DCDC2: variants seen among roughly 807,000 people sequenced by gnomAD.
DCDC2 encodes the protein doublecortin domain containing 2.
A neutral mutation model predicts 50.2 loss-of-function variants in DCDC2; 40 were observed. The observed-to-expected ratio is 0.80, with a 90% CI of 0.62 to 1.04. The LOEUF is 1.04. Among genes scored for constraint, DCDC2 ranks in the 50% least tolerant of loss-of-function variants. DCDC2 has a pLI of 0.00. For missense variants in DCDC2, 570 were observed against 581.9 expected (o/e 0.98, Z 0.21); for synonymous variants, 234 against 210.6 (o/e 1.11, Z -0.96).
chr6:24,334,253 T>C (rs958126191), intron 2 of DCDC2, among the ~76,000 whole-genome samples: 9 of 152,208 alleles, frequency 5.9e-5, no homozygotes, highest in Non-Finnish European at 1.2e-4. Context: ...TCTTTTATCA[T>C]GGGTATACTT....
Position 24,357,506 on chromosome 6 carries a change from C to G in DCDC2, c.245G>C (p.Ser82Thr). The stretch of plus-strand genomic sequence containing the variant: ...GCCTCCAGCCACGTAATTGCCCCCG[C>G]TCTGGATCTGGTCTAGCTTCCGGAT... Reference protein sequence around the residue: ...HRIRKLDQIQSGGNYVAGGQE... With the variant: ...HRIRKLDQIQTGGNYVAGGQE... Residue 82 changes from serine to threonine, a missense_variant, in exon 1 of 10, where the codon AGC becomes ACC. Coordinates refer to ENST00000378454, the MANE Select transcript of DCDC2 (RefSeq NM_016356.5). 1 of 1,612,782 alleles carries G rather than the reference C, an allele frequency of 6.2e-7. No homozygotes were observed. Among genetic ancestry groups the G allele is most frequent in the Non-Finnish European group, 8.5e-7 (1 of 1,179,434 alleles).
chr6:24,231,590 G>A lies in DCDC2; in HGVS notation c.923-26488C>T, dbSNP rs79659756. On this transcript the variant is annotated intron_variant, in intron 7 of 9. Transcript: ENST00000378454. The stretch of plus-strand genomic sequence containing the variant: ...CCCCATCCTCCACCACTATCACCAC[G>A]TGCCTGCCTTTTGTCAATACTTAGG... 4.5e-3 allele frequency among the ~76,000 whole-genome samples: 689 copies of A among 152,030 alleles called. 2 individuals carry two copies. Among genetic ancestry groups the A allele is most frequent in the African/African-American group, 0.016 (652 of 41,454 alleles).
upstream of DCDC2, among the ~76,000 whole-genome samples, chr6:24,359,184 A>G (rs1218483999): frequency 4.0e-4 from 31 of 77,652 alleles, no homozygotes; most frequent in Non-Finnish European, 6.3e-4. Flanking sequence ...TATATTTTAT[A>G]TATTTTATAT....
At chr6:24,340,239 T>C (rs1382178882) in intron 2 of DCDC2, among the ~76,000 whole-genome samples, 1 of 152,160 alleles carries the variant, frequency 6.6e-6, no homozygotes, top group Non-Finnish European at 1.5e-5. Flanking sequence ...TATACATCAT[T>C]CCTTCCAGGA....
At chr6:24,331,397 C>A (rs1245655448) in intron 2 of DCDC2, among the ~76,000 whole-genome samples, 1 of 151,554 alleles carries the variant, frequency 6.6e-6, no homozygotes, top group East Asian at 1.9e-4. Context: ...ATCTCTTGGC[C>A]TTAAGCGATC....
intron 8 of DCDC2, among the ~76,000 whole-genome samples, chr6:24,191,933 GAAGC>G: frequency 6.6e-6 from 1 of 152,290 alleles, no homozygotes; most frequent in East Asian, 1.9e-4. Context: ...GGGAAGCCAA[GAAGC>G]AAGCCTTTGC....
At chr6:24,284,573 T>C (rs893644208) in intron 6 of DCDC2, among the ~76,000 whole-genome samples, 2 of 148,804 alleles carry the variant, frequency 1.3e-5, no homozygotes, top group Non-Finnish European at 3.0e-5. Flanking sequence ...ATCATGCCAC[T>C]GCACTCCAGC....
chr6:24,268,082 A>G (rs1763163827), intron 7 of DCDC2, among the ~76,000 whole-genome samples: 1 of 152,248 alleles, frequency 6.6e-6, no homozygotes, highest in Admixed American at 6.5e-5. Flanking sequence ...CGTCCATACT[A>G]AAGGCTCTGA....
intron 2 of DCDC2, among the ~76,000 whole-genome samples, chr6:24,319,541 G>A (rs1409118311): frequency 1.3e-5 from 2 of 151,918 alleles, no homozygotes; most frequent in Non-Finnish European, 2.9e-5. Context: ...TGCTTTTGAG[G>A]TCTTAGTCAC....
chr6:24,270,245 G>A (rs977738456), intron 7 of DCDC2, among the ~76,000 whole-genome samples: 19 of 152,082 alleles, frequency 1.2e-4, no homozygotes, highest in African/African-American at 4.3e-4. Flanking sequence ...CTTTGACTCT[G>A]GGCAAACTGG....
chr6:24,345,463 C>T lies in DCDC2; in HGVS notation c.348+8106G>A, dbSNP rs540216637. 5.8e-4 allele frequency among the ~76,000 whole-genome samples: 89 copies of T among 152,328 alleles called. 1 individual carries two copies. Among genetic ancestry groups the T allele is most frequent in the African/African-American group, 2.1e-3 (86 of 41,572 alleles). ...AGGCAAAGTTTTGCAGTTTCACTCT[C>T]TTCCTTTCTCTCTTCCTCTCCTGGT... On this transcript the variant is annotated intron_variant, in intron 2 of 9. Coordinates refer to ENST00000378454, the MANE Select transcript of DCDC2 (RefSeq NM_016356.5).
intron 7 of DCDC2, among the ~76,000 whole-genome samples, chr6:24,219,649 C>G (rs1481603864): frequency 6.6e-6 from 1 of 152,216 alleles, no homozygotes; most frequent in African/African-American, 2.4e-5. Flanking sequence ...TGTGCGGTCA[C>G]ACAGGGCCCT....
intron 2 of DCDC2, among the ~76,000 whole-genome samples, chr6:24,332,115 T>C (rs1759975475): frequency 6.6e-6 from 1 of 152,186 alleles, no homozygotes. Flanking sequence ...TTGAAATACA[T>C]TCCCAGTGTG....
At chr6:24,249,235 T>C (rs1240380782) in intron 7 of DCDC2, among the ~76,000 whole-genome samples, 1 of 152,164 alleles carries the variant, frequency 6.6e-6, no homozygotes, top group Non-Finnish European at 1.5e-5. Context: ...TTTTAATACT[T>C]CCATAATTAA....
intron 2 of DCDC2, among the ~76,000 whole-genome samples, chr6:24,347,576 T>C (rs1487805697): frequency 6.6e-6 from 1 of 152,212 alleles, no homozygotes; most frequent in Non-Finnish European, 1.5e-5. Context: ...TGATTTAAAG[T>C]ATACGGGGGG....
chr6:24,226,297 C>T (rs1762232675), intron 7 of DCDC2, among the ~76,000 whole-genome samples: 1 of 152,108 alleles, frequency 6.6e-6, no homozygotes, highest in South Asian at 2.1e-4. Flanking sequence ...ATAGATGCCA[C>T]AATAAAGGTG....
chr6:24,351,723 A>G (rs1268061358), intron 2 of DCDC2, among the ~76,000 whole-genome samples: 1 of 152,228 alleles, frequency 6.6e-6, no homozygotes, highest in East Asian at 1.9e-4. Context: ...TGCAAAATAA[A>G]GAGAAACAAT....
chr6:24,367,016 G>T, the DCDC2 span, among the ~76,000 whole-genome samples: 3 of 151,918 alleles, frequency 2.0e-5, no homozygotes, highest in Non-Finnish European at 4.4e-5. Context: ...TAAATGTTGT[G>T]GAGGGATGGG....
intron 7 of DCDC2, among the ~76,000 whole-genome samples, chr6:24,262,918 G>C (rs1403722311): frequency 6.6e-6 from 1 of 152,214 alleles, no homozygotes; most frequent in East Asian, 1.9e-4. Flanking sequence ...CCTTAGGCAA[G>C]ACCCAGTGTT....
Sources: allele counts gnomAD v4.1 joint callset (sites outside exome capture counted in the v4.1 genomes callset), GRCh38; gene constraint gnomAD v4.1.1; transcripts MANE v1.5; gene names NCBI Gene and HGNC (gene_info 2026-07-23, HGNC 2026-07-21).